Variants in CYP1B1 observed in about 807,000 individuals in gnomAD.
The protein encoded by CYP1B1 is cytochrome P450 family 1 subfamily B member 1.
In CYP1B1, 22 loss-of-function variants were observed where a neutral mutation model predicts 29.9. The observed-to-expected ratio is 0.74, with a 90% confidence interval of 0.53 to 1.05. The LOEUF (loss-of-function observed/expected upper bound fraction) is 1.05, where lower values mean the gene tolerates loss of function less well. Among genes scored for constraint, CYP1B1 ranks in the 50% least tolerant of loss-of-function variants. The probability of loss-of-function intolerance (pLI) is 0.00; values close to 1 mark genes in which losing one functional copy is unlikely to be tolerated. For missense variants in CYP1B1, 883 were observed against 746.9 expected, an observed-to-expected ratio of 1.18 and a Z score of -2.12; for synonymous variants, 375 against 320.0, an observed-to-expected ratio of 1.17 and a Z score of -1.83.
Position 38,068,941 on chromosome 2 carries a change from A to C in CYP1B1, c.*1781T>G, listed in dbSNP as rs750990195. The C allele has an allele frequency of 4.4e-6, 1 of 227,622 alleles. No individual in the cohort carries two copies. Among genetic ancestry groups the C allele is most frequent in the African/African-American group, 2.2e-5 (1 of 44,980 alleles). 14.1% of individuals were successfully genotyped at this position (227,622 alleles called of 1,614,324 possible). A position where few individuals can be genotyped will look rare whatever the true frequency, so the allele number is the denominator to read the frequency against. The stretch of plus-strand genomic sequence containing the variant: ...CCCACCCCACACACACATACACACA[A>C]CTATCAAAAACTCCCTTTTTTAAAA... On this transcript the variant is annotated 3_prime_UTR_variant, in exon 3 of 3. Coordinates refer to ENST00000610745, the MANE Select transcript of CYP1B1 (RefSeq NM_000104.4).
intron 2 of CYP1B1, 105 bp from the exon 3 acceptor site, chr2:38,071,415 G>A: frequency 9.8e-7 from 1 of 1,021,348 alleles, no homozygotes; most frequent in Non-Finnish European, 1.5e-6. Context: ...TCTTAAATAG[G>A]CTATCTAGCT....
chr2:38,074,834 G>T lies in CYP1B1; in HGVS notation c.555C>A (p.Ser185Arg), dbSNP rs1407842073. ...RELVALLVRG[S>R]ADGAFLDPRP... ...TCGGGTCGAGGAAGGCGCCGTCCGC[G>T]CTGCCGCGCACCAGCAGCGCCACCA... is the stretch of plus-strand genomic sequence containing the variant. Residue 185 changes from serine (S) to arginine (R), a missense_variant, in exon 2 of 3, where the codon AGC (serine) becomes AGA (arginine). Ser to Arg is a moderately radical substitution (Grantham distance 110). Transcript: ENST00000610745. The T allele has an allele frequency of 2.6e-6, 4 of 1,565,722 alleles. No individual in the cohort carries two copies. The highest frequency in any genetic ancestry group is 2.6e-6 in the Non-Finnish European group (3 of 1,155,890).
At position 38,069,245 on chromosome 2, in the gene CYP1B1, G is replaced by A. The variant is rs890685009; in HGVS notation, c.*1477C>T. The A allele has an allele frequency of 4.5e-6, 1 of 223,410 alleles. No homozygotes were observed. The highest frequency in any genetic ancestry group is 8.9e-6 in the Non-Finnish European group (1 of 111,956). The allele number at this position is 223,410 out of a possible 1,614,324, so 13.8% of individuals were successfully genotyped here. Reference sequence around the variant, plus strand: ...TCTGATTCTGACTTTCCAAAAAGCAGGCATTAATGTTAACTTTCAAAAAAT... The same window carrying A: ...TCTGATTCTGACTTTCCAAAAAGCAAGCATTAATGTTAACTTTCAAAAAAT... On this transcript the variant is annotated 3_prime_UTR_variant, in exon 3 of 3. Transcript: ENST00000610745.
At position 38,074,534 on chromosome 2, in the gene CYP1B1, G is replaced by A. The variant is rs1558603353; in HGVS notation, c.855C>T (p.Pro285=). 3.1e-6 allele frequency: 5 copies of A among 1,607,538 alleles called. No homozygotes were observed. Among genetic ancestry groups the A allele is most frequent in the Non-Finnish European group, 4.2e-6 (5 of 1,177,274 alleles). ...CCATCATGTCGCGGGGGGCGGCCCCGGGCCGAAGGCTTTCGCAGTGCCTCA... is the reference window on the plus strand; with the variant it reads ...CCATCATGTCGCGGGGGGCGGCCCCAGGCCGAAGGCTTTCGCAGTGCCTCA... The part of the protein sequence containing the change: ...KFLRHCESLR[P]GAAPRDMMDA... Residue 285 remains proline (P), a synonymous_variant, in exon 2 of 3, where the codon CCC becomes CCT. Coordinates refer to ENST00000610745, the MANE Select transcript of CYP1B1 (RefSeq NM_000104.4).
Position 38,068,186 on chromosome 2 carries a change from C to G in CYP1B1, c.*2536G>C, listed in dbSNP as rs780245744. On this transcript the variant is annotated 3_prime_UTR_variant, in exon 3 of 3. Transcript: ENST00000610745. ...GTTGTCAGCAAATACATTCTCTCTC[C>G]GGTAGAAACACAATGAGGGTTTCTG... The G allele has an allele frequency of 4.7e-6, 1 of 214,000 alleles. No homozygotes were observed. The highest frequency in any genetic ancestry group is 2.3e-5 in the African/African-American group (1 of 44,200). 13.3% of individuals were successfully genotyped at this position (214,000 alleles called of 1,614,324 possible).
chr2:38,075,063 T>G lies in CYP1B1; in HGVS notation c.326A>C (p.Gln109Pro). The G allele has an allele frequency of 6.3e-7, 1 of 1,585,334 alleles. No individual in the cohort carries two copies. The stretch of plus-strand genomic sequence containing the variant: ...CCGGTCGGCGAAGGCCGAGCCCTGC[T>G]GCACCAGGGCCTGGTGGATGGCGCG... ...GERAIHQALV[Q>P]QGSAFADRPA... Residue 109 changes from glutamine to proline, a missense_variant, in exon 2 of 3, where the codon CAG becomes CCG. Gln to Pro is a moderately conservative substitution (Grantham distance 76). Coordinates refer to ENST00000610745, the MANE Select transcript of CYP1B1 (RefSeq NM_000104.4).
At position 38,067,817 on chromosome 2, in the gene CYP1B1, A is replaced by T. The variant is rs1682339530; in HGVS notation, c.*2905T>A. 1 of 186,052 alleles carries T rather than the reference A, an allele frequency of 5.4e-6. No homozygotes were observed. The highest frequency in any genetic ancestry group is 2.3e-5 in the African/African-American group (1 of 42,700). 11.5% of individuals were successfully genotyped at this position (186,052 alleles called of 1,614,324 possible). ...GTACAAAAATAAGAAAAGATTAAATAAGAAGGTATCCTTGAGTTATAAATG... is the reference window on the plus strand; with the variant it reads ...GTACAAAAATAAGAAAAGATTAAATTAGAAGGTATCCTTGAGTTATAAATG... On this transcript the variant is annotated 3_prime_UTR_variant, in exon 3 of 3. Coordinates refer to ENST00000610745, the MANE Select transcript of CYP1B1 (RefSeq NM_000104.4).
Position 38,076,106 on chromosome 2 carries a change from C to T in CYP1B1, c.-328G>A, listed in dbSNP as rs1443337898. The stretch of plus-strand genomic sequence containing the variant: ...AATTCCCATGCCCTTGCGGCTCTCA[C>T]AACTGGAGTCGCAGAAGCGCTCGCT... On this transcript the variant is annotated 5_prime_UTR_variant, in exon 1 of 3. It adds an upstream start codon to the 5' untranslated region. Coordinates refer to ENST00000610745, the MANE Select transcript of CYP1B1 (RefSeq NM_000104.4). The T allele has an allele frequency of 6.5e-6, 1 of 152,928 alleles. No individual in the cohort carries two copies. The highest frequency in any genetic ancestry group is 2.4e-5 in the African/African-American group (1 of 41,472). 9.5% of individuals were successfully genotyped at this position (152,928 alleles called of 1,614,324 possible).
At position 38,071,231 on chromosome 2, in the gene CYP1B1, G is replaced by T. The variant is rs2125314847; in HGVS notation, c.1123C>A (p.Gln375Lys). ...GCCAGGACATAGGGCAGGTTGGGCTGGTCACCCATACAAGGCAGACGGTCC... is the reference window on the plus strand; with the variant it reads ...GCCAGGACATAGGGCAGGTTGGGCTTGTCACCCATACAAGGCAGACGGTCC... ...GRDRLPCMGDQPNLPYVLAFL... is the reference protein window; with the variant it reads ...GRDRLPCMGDKPNLPYVLAFL... The change falls in exon 3 of 3, where the codon CAG becomes AAG. Residue 375 changes from glutamine (Q) to lysine (K), a missense_variant. Physicochemically the swap from Gln to Lys is moderately conservative, Grantham distance 53. Transcript: ENST00000610745. 6 of 1,613,168 alleles carry T rather than the reference G, an allele frequency of 3.7e-6. No homozygotes were observed. In the East Asian group the frequency reaches 1.3e-4, roughly 36 times the overall value.
rs752472479 is a variant in CYP1B1 at position 38,075,226 on chromosome 2, A to T, written c.163T>A (p.Phe55Ile). The T allele has an allele frequency of 1.3e-6, 2 of 1,585,208 alleles. No homozygotes were observed. Among genetic ancestry groups the T allele is most frequent in the Admixed American group, 3.5e-5 (2 of 56,906 alleles). ...RQLRSAPPGP[F>I]AWPLIGNAAA... ...GCGTTTCCGATCAGTGGCCACGCAA[A>T]CGGGCCCGGGGGCGCGGACCGGAGC... The change falls in exon 2 of 3, where the codon TTT becomes ATT. Residue 55 changes from phenylalanine (F) to isoleucine (I), a missense_variant. By Grantham distance (21) the Phe-to-Ile change is conservative (BLOSUM62 0). Transcript: ENST00000610745.
At position 38,070,594 on chromosome 2, in the gene CYP1B1, G is replaced by T; in HGVS notation, c.*128C>A. 1 of 855,566 alleles carries T rather than the reference G, an allele frequency of 1.2e-6. No homozygotes were observed. The highest frequency in any genetic ancestry group is 1.9e-6 in the Non-Finnish European group (1 of 525,904). 53.0% of individuals were successfully genotyped at this position (855,566 alleles called of 1,614,324 possible). A position where few individuals can be genotyped will look rare whatever the true frequency, so the allele number is the denominator to read the frequency against. On this transcript the variant is annotated 3_prime_UTR_variant, in exon 3 of 3. Transcript: ENST00000610745. ...TGGAGCACACCTCACCTGATGGACAGTTGATTTATGCTCACCTTAAACGCT... is the reference window on the plus strand; with the variant it reads ...TGGAGCACACCTCACCTGATGGACATTTGATTTATGCTCACCTTAAACGCT...
rs1682339160 is a variant in CYP1B1 at position 38,067,804 on chromosome 2, G to A, written c.*2918C>T. 5.4e-6 allele frequency: 1 copy of A among 184,846 alleles called. No homozygotes were observed. The highest frequency in any genetic ancestry group is 2.3e-5 in the African/African-American group (1 of 42,598). 11.5% of individuals were successfully genotyped at this position (184,846 alleles called of 1,614,324 possible). On this transcript the variant is annotated 3_prime_UTR_variant, in exon 3 of 3. Transcript: ENST00000610745. ...CATTCATGATAAAGTACAAAAATAA[G>A]AAAAGATTAAATAAGAAGGTATCCT...
rs145827895 is a variant in CYP1B1 at position 38,075,816 on chromosome 2, C to T, written c.-38G>A. ...TGCGGTTTCCAGTGGCGCGGGACAG[C>T]CGGCTCCGAGAAGGAACTGGGACCT... On this transcript the variant is annotated 5_prime_UTR_variant, in exon 1 of 3. Transcript: ENST00000610745. 97 of 246,172 alleles carry T rather than the reference C, an allele frequency of 3.9e-4. 1 individual carries two copies. Among genetic ancestry groups the T allele is most frequent in the African/African-American group, 2.1e-3 (93 of 43,992 alleles). 15.2% of individuals were successfully genotyped at this position (246,172 alleles called of 1,614,324 possible).
chr2:38,075,304 C>A lies in CYP1B1; in HGVS notation c.85G>T (p.Val29Leu). 1 of 1,611,542 alleles carries A rather than the reference C, an allele frequency of 6.2e-7. No individual in the cohort carries two copies. The highest frequency in any genetic ancestry group is 8.5e-7 in the Non-Finnish European group (1 of 1,179,590). The change falls in exon 2 of 3, where the codon GTG (valine) becomes TTG (leucine). Residue 29 changes from valine (V) to leucine (L), a missense_variant. Physicochemically the swap from Val to Leu is conservative, Grantham distance 32 (BLOSUM62 1). Coordinates refer to ENST00000610745, the MANE Select transcript of CYP1B1 (RefSeq NM_000104.4). ...TGGCCCACATGCACAGTGGCCAGCA[C>A]CGACAGGAGTAGCAGGAGCGTGGTC... ...QQTTLLLLLS[V>L]LATVHVGQRL...
In CYP1B1 at chr2:38,068,452, C is replaced by A; in HGVS notation, c.*2270G>T. ...TCTGGACCTGGTTGACATAATGAGG[C>A]ATCCAGATTGGTTCATGATTATTTT... On this transcript the variant is annotated 3_prime_UTR_variant, in exon 3 of 3. Coordinates refer to ENST00000610745, the MANE Select transcript of CYP1B1 (RefSeq NM_000104.4). 1 of 226,034 alleles carries A rather than the reference C, an allele frequency of 4.4e-6. No homozygotes were observed. The highest frequency in any genetic ancestry group is 8.8e-6 in the Non-Finnish European group (1 of 113,318). 14.0% of individuals were successfully genotyped at this position (226,034 alleles called of 1,614,324 possible).
intron 2 of CYP1B1, among the ~76,000 whole-genome samples, chr2:38,072,602 C>T (rs780997634): frequency 5.9e-5 from 9 of 152,132 alleles, no homozygotes; most frequent in Non-Finnish European, 1.3e-4. Flanking sequence ...AAAATGTATA[C>T]ACGTATGTGA....
In CYP1B1 at chr2:38,075,639, G is replaced by C. The variant is rs1437244767; in HGVS notation, c.-2+141C>G. 3 of 585,394 alleles carry C rather than the reference G, an allele frequency of 5.1e-6. No homozygotes were observed. In the African/African-American group the frequency reaches 5.6e-5, roughly 11 times the overall value. 36.3% of individuals were successfully genotyped at this position (585,394 alleles called of 1,614,324 possible). A position where few individuals can be genotyped will look rare whatever the true frequency, so the allele number is the denominator to read the frequency against. Reference sequence around the variant, plus strand: ...TTCCCCTCCCCGCAAGGCGCGTAACGGTTCCTGCAATCTGGGGACAACGCT... The same window carrying C: ...TTCCCCTCCCCGCAAGGCGCGTAACCGTTCCTGCAATCTGGGGACAACGCT... On this transcript the variant is annotated intron_variant, in intron 1 of 2. Coordinates refer to ENST00000610745, the MANE Select transcript of CYP1B1 (RefSeq NM_000104.4).
intron 2 of CYP1B1, among the ~76,000 whole-genome samples, chr2:38,071,735 T>C (rs1573273200): frequency 6.6e-6 from 1 of 152,304 alleles, no homozygotes; most frequent in South Asian, 2.1e-4. Context: ...CACTTTTAGT[T>C]AGAAGAAAAT....
At chr2:38,071,903 C>T (rs145391832) in intron 2 of CYP1B1, among the ~76,000 whole-genome samples, 1 of 152,270 alleles carries the variant, frequency 6.6e-6, no homozygotes, top group African/African-American at 2.4e-5. Flanking sequence ...TCCCTCATTT[C>T]CCTGGACAAT....
Sources: allele counts gnomAD v4.1 joint callset (sites outside exome capture counted in the v4.1 genomes callset), GRCh38; gene constraint gnomAD v4.1.1; transcripts MANE v1.5; gene names NCBI Gene and HGNC (gene_info 2026-07-23, HGNC 2026-07-21).